The following LMOD1 variants were observed in gnomAD, a reference collection of about 807,000 sequenced individuals.
LMOD1 encodes the protein leiomodin-1.
LMOD1 carries 8 observed loss-of-function variants against 36.5 expected under a neutral mutation model. The observed-to-expected ratio is 0.22, with a 90% CI of 0.13 to 0.40. The LOEUF (loss-of-function observed/expected upper bound fraction) is 0.40. Among genes scored for constraint, LMOD1 ranks in the 10% least tolerant of loss-of-function variants. The pLI is 1.00. For synonymous variants in LMOD1, 284 were observed against 288.7 expected, an observed-to-expected ratio of 0.98 and a Z score of 0.17; for missense variants, 630 against 751.1, an observed-to-expected ratio of 0.84 and a Z score of 1.88.
chr1:201,927,423 G>A (rs535529098), intron 1 of LMOD1, among the ~76,000 whole-genome samples: 21 of 152,020 alleles, frequency 1.4e-4, no homozygotes, highest in Admixed American at 2.6e-4. Context: ...AAAATTAGCC[G>A]GGTGTGGTGG....
At position 201,899,291 on chromosome 1, in the gene LMOD1, G is replaced by A. The variant is rs1459674602; in HGVS notation, c.1722C>T (p.Ser574=). ...GGATGGCAGCCAATAGCTGGTCACG[G>A]GAGTTCTTCTCCTGGGCAGGGAGGA... ...DKVLPAQEKN[S]RDQLLAAIRS... The change falls in exon 2 of 3, where the codon TCC becomes TCT. Residue 574 remains serine, a synonymous_variant. Transcript: ENST00000367288. This position sits in a 1 kb window ranked among gnomAD's most constrained non-coding sequence, Gnocchi z 6.3. 1.2e-6 allele frequency: 2 copies of A among 1,609,198 alleles called. No homozygotes were observed. Among genetic ancestry groups the A allele is most frequent in the Admixed American group, 1.7e-5 (1 of 59,620 alleles).
rs775016412 is a variant in LMOD1, at chr1:201,900,514, C to G, written c.499G>C (p.Val167Leu). 43 of 1,613,792 alleles carry G rather than the reference C, an allele frequency of 2.7e-5. No individual in the cohort carries two copies. The African/African-American group carries it at 5.1e-4, about 19-fold the overall frequency. Residue 167 changes from valine to leucine, a missense_variant, in exon 2 of 3, where the codon GTG becomes CTG. Around this residue, in one of 3 missense-constraint regions of LMOD1, gnomAD observed 405 missense variants for 400.6 expected, o/e 1.01. Transcript: ENST00000367288. ...TCCTTCCCTGCCTCCTTCTTATCCA[C>G]TGCAGCCCTGACCCGGCCCTTGTCA... is the stretch of plus-strand genomic sequence containing the variant. ...GIDKGRVRAA[V>L]DKKEAGKDGR...
chr1:201,926,283 T>A (rs556034889), intron 1 of LMOD1, among the ~76,000 whole-genome samples: 1 of 152,286 alleles, frequency 6.6e-6, no homozygotes, highest in East Asian at 1.9e-4. Context: ...CAGTGCCCAG[T>A]GAGTCTTTTT....
chr1:201,945,982 G>T, intron 1 of LMOD1, 98 bp downstream of exon 1: 1 of 1,245,116 alleles, frequency 8.0e-7, no homozygotes, highest in Non-Finnish European at 1.1e-6. Context: ...TTGCCAACAA[G>T]AACGTTTCTT....
At chr1:201,909,500 C>T (rs1681458493) in intron 1 of LMOD1, among the ~76,000 whole-genome samples, 1 of 152,194 alleles carries the variant, frequency 6.6e-6, no homozygotes, top group Non-Finnish European at 1.5e-5. Context: ...CCTGCCTTGG[C>T]CTCTCAAGTC....
intron 1 of LMOD1, among the ~76,000 whole-genome samples, chr1:201,929,106 T>C (rs939412836): frequency 6.7e-6 from 1 of 150,126 alleles, no homozygotes; most frequent in African/African-American, 2.5e-5. Flanking sequence ...ATTTATTTAT[T>C]TATTTATTTA....
chr1:201,925,510 G>A (rs1046930007), intron 1 of LMOD1, among the ~76,000 whole-genome samples: 2 of 152,114 alleles, frequency 1.3e-5, no homozygotes, highest in African/African-American at 4.8e-5. Flanking sequence ...ATTTTTCTTG[G>A]AAGGGGAAAA....
intron 1 of LMOD1, 111 bp from the exon 2 acceptor site, chr1:201,900,862 G>A (rs1172265280): frequency 2.2e-6 from 2 of 925,556 alleles, no homozygotes; most frequent in African/African-American, 1.7e-5. Context: ...AGCCTCTGAA[G>A]GACAGTTGTG....
chr1:201,900,707 C>A lies in LMOD1; in HGVS notation c.306G>T (p.Glu102Asp), dbSNP rs576061893. Reference protein sequence around the residue: ...VETKTDAKNGEERGRDASKKA... With the variant: ...VETKTDAKNGDERGRDASKKA... ...TTTTGCTGGCATCTCTGCCCCTTTC[C>A]TCTCCATTCTTGGCATCTGTCTTGG... The change falls in exon 2 of 3, where the codon GAG (glutamate) becomes GAT (aspartate). Residue 102 changes from glutamate to aspartate, a missense_variant. By Grantham distance (45) the Glu-to-Asp change is conservative (BLOSUM62 2). Around this residue, in one of 3 missense-constraint regions of LMOD1, gnomAD observed 405 missense variants for 400.6 expected, o/e 1.01. Coordinates refer to ENST00000367288, the MANE Select transcript of LMOD1 (RefSeq NM_012134.3). 6.2e-7 allele frequency: 1 copy of A among 1,611,828 alleles called. No homozygotes were observed. Among genetic ancestry groups the A allele is most frequent in the African/African-American group, 1.3e-5 (1 of 74,768 alleles).
intron 1 of LMOD1, among the ~76,000 whole-genome samples, chr1:201,913,471 G>A (rs962847170): frequency 3.3e-5 from 5 of 152,198 alleles, no homozygotes; most frequent in African/African-American, 9.7e-5. Flanking sequence ...GCCGGGCATG[G>A]TGGTCAGCAC....
chr1:201,913,774 C>A (rs960653931), intron 1 of LMOD1, among the ~76,000 whole-genome samples: 2 of 152,124 alleles, frequency 1.3e-5, no homozygotes, highest in Non-Finnish European at 2.9e-5. Context: ...AATGGGGACA[C>A]CTCCAAAATT....
intron 1 of LMOD1, among the ~76,000 whole-genome samples, chr1:201,940,912 C>T (rs994359405): frequency 1.3e-5 from 2 of 152,008 alleles, no homozygotes; most frequent in Non-Finnish European, 2.9e-5. Context: ...CTATGCCTGG[C>T]TAATTTTGTA....
At chr1:201,933,598 TA>T (rs1252984499) in intron 1 of LMOD1, among the ~76,000 whole-genome samples, 2 of 6,568 alleles carry the variant, frequency 3.0e-4, no homozygotes, top group African/African-American at 5.0e-4. Context: ...ACATACATTA[TA>T]TATATATATA....
rs542861624 is a variant in LMOD1 at position 201,923,365 on chromosome 1, C to T, written c.262-22614G>A. Among the ~76,000 whole-genome samples the T allele has an allele frequency of 7.9e-5, 12 of 152,228 alleles. No homozygotes were observed. In the South Asian group the frequency reaches 2.3e-3, roughly 29 times the overall value. ...TTCAGATGGAGGCCCAAAAAGAAGG[C>T]TGGAGGGACAGATTATTTTTTCTAT... is the stretch of plus-strand genomic sequence containing the variant. On this transcript the variant is annotated intron_variant, in intron 1 of 2. Transcript: ENST00000367288.
chr1:201,898,528 G>T, intron 2 of LMOD1, 130 bp from the exon 3 acceptor site: 1 of 720,720 alleles, frequency 1.4e-6, no homozygotes. Flanking sequence ...TTGACACTGA[G>T]GGAGCATTTT....
chr1:201,901,540 A>ATATATATATATATATG (rs1681307424), intron 1 of LMOD1, among the ~76,000 whole-genome samples: 1 of 47,368 alleles, frequency 2.1e-5, no homozygotes, highest in Non-Finnish European at 3.8e-5. Context: ...GTATATATAT[A>ATATATATATATATATG]TATATATATA....
chr1:201,916,614 CA>C, intron 1 of LMOD1, among the ~76,000 whole-genome samples: 1 of 151,806 alleles, frequency 6.6e-6, no homozygotes, highest in Non-Finnish European at 1.5e-5. Flanking sequence ...ACAGCAAAAA[CA>C]AAACAAAATT....
Position 201,899,968 on chromosome 1 carries a change from C to A in LMOD1, c.1045G>T (p.Val349Phe). ...AACTCCAGAGCCTCAGTAAACCGGA[C>A]CAAGATCTCATTTGTGATGCAGTCT... Reference protein sequence around the residue: ...NSDCITNEILVRFTEALEFNT... With the variant: ...NSDCITNEILFRFTEALEFNT... Residue 349 changes from valine (V) to phenylalanine (F), a missense_variant, in exon 2 of 3, where the codon GTC becomes TTC. Transcript: ENST00000367288. The surrounding 1 kb of genome is among the most constrained non-coding windows in gnomAD (Gnocchi z 6.3). 1 of 1,613,958 alleles carries A rather than the reference C, an allele frequency of 6.2e-7. No homozygotes were observed. The highest frequency in any genetic ancestry group is 8.5e-7 in the Non-Finnish European group (1 of 1,179,896).
At chr1:201,929,213 C>T (rs1681879003) in intron 1 of LMOD1, among the ~76,000 whole-genome samples, 3 of 151,908 alleles carry the variant, frequency 2.0e-5, no homozygotes, top group Admixed American at 6.6e-5. Flanking sequence ...AGTGATTCTC[C>T]TGCCTCAGCC....
Sources: gnomAD v4.1 joint callset for allele counts (sites outside exome capture counted in the v4.1 genomes callset) on GRCh38, gnomAD v4.1.1 for gene constraint, gnomAD v4.1.1 regional missense constraint, Gnocchi (gnomAD v3.1) non-coding constraint, MANE v1.5 for transcripts, NCBI Gene and HGNC (gene_info 2026-07-23, HGNC 2026-07-21) for gene names.